The following DCAF5 variants were observed in gnomAD, a reference collection of about 807,000 sequenced individuals.
DCAF5 encodes the protein DDB1 and CUL4 associated factor 5.
DCAF5 carries 9 observed loss-of-function variants against 80.7 expected under a neutral mutation model. The observed-to-expected ratio is 0.11, with a 90% CI of 0.07 to 0.19. The LOEUF is 0.19. DCAF5 is among the 10% of genes least tolerant of loss of function. DCAF5 has a pLI of 1.00. For synonymous variants in DCAF5, 433 were observed against 461.9 expected (o/e 0.94, Z 0.80); for missense variants, 842 against 1,205.7 (o/e 0.70, Z 4.47).
At chr14:69,062,266 G>T in intron 8 of DCAF5, 118 bp downstream of exon 8, 1 of 1,109,608 alleles carries the variant, frequency 9.0e-7, no homozygotes, top group Non-Finnish European at 1.3e-6. Context: ...TAAAATCTGA[G>T]AATTCTGATA....
At chr14:69,075,503 A>C (rs1188513862) in intron 6 of DCAF5, 92 bp from the exon 7 acceptor site, 1 of 775,516 alleles carries the variant, frequency 1.3e-6, no homozygotes, top group African/African-American at 1.8e-5. Context: ...TTTTTTTGAG[A>C]TGGAGTCTTG....
intron 5 of DCAF5, among the ~76,000 whole-genome samples, chr14:69,113,881 C>T (rs1398882902): frequency 1.3e-5 from 2 of 152,192 alleles, no homozygotes; most frequent in Non-Finnish European, 2.9e-5. Context: ...CAAAAACATC[C>T]TAGTCCCCAT....
At chr14:69,090,323 T>G in intron 6 of DCAF5, 1 of 160,216 alleles carries the variant, frequency 6.2e-6, no homozygotes, top group Non-Finnish European at 1.3e-5. Flanking sequence ...TTCCCTGCAG[T>G]GCCATACAGG....
Position 69,054,222 on chromosome 14 carries a change from C to A in DCAF5, c.2464G>T (p.Glu822Ter), listed in dbSNP as rs1344261078. The change falls in exon 9 of 9, where the codon GAG becomes TAG. Residue 822 changes from glutamate to a stop codon, truncating the protein, a stop_gained. Transcript: ENST00000341516. LOFTEE classifies it high-confidence loss of function. ...GCACAGATGGTTTCGAGGCTCCTCT[C>A]CTCACTGTCATCAGACTGGGTCCTG... ...CPRTQSDDSE[E>*]RSLETICANH... is the part of the protein sequence containing the mutation. 6.2e-7 allele frequency: 1 copy of A among 1,614,118 alleles called. No homozygotes were observed. Among genetic ancestry groups the A allele is most frequent in the Non-Finnish European group, 8.5e-7 (1 of 1,180,052 alleles).
intron 6 of DCAF5, among the ~76,000 whole-genome samples, chr14:69,085,939 A>G (rs2039301147): frequency 6.6e-6 from 1 of 152,244 alleles, no homozygotes; most frequent in African/African-American, 2.4e-5. Context: ...GTCATAAACA[A>G]GAAACTGAGT....
intron 1 of DCAF5, among the ~76,000 whole-genome samples, chr14:69,148,705 CA>C (rs962248001): frequency 3.3e-5 from 5 of 150,582 alleles, no homozygotes; most frequent in Non-Finnish European, 5.9e-5. Flanking sequence ...CCCCACCGCC[CA>C]AAAAAAAAGT....
intron 8 of DCAF5, among the ~76,000 whole-genome samples, chr14:69,059,401 T>A (rs910380907): frequency 2.6e-5 from 4 of 152,126 alleles, no homozygotes; most frequent in Non-Finnish European, 4.4e-5. Context: ...GACCAGAATG[T>A]GGTGGCTAAC....
At chr14:69,066,007 TA>T (rs1202653163) in intron 7 of DCAF5, among the ~76,000 whole-genome samples, 1 of 152,152 alleles carries the variant, frequency 6.6e-6, no homozygotes, top group East Asian at 1.9e-4. Context: ...TACCCATAAA[TA>T]AAATACCACA....
At chr14:69,088,197 G>C (rs528425436) in intron 6 of DCAF5, among the ~76,000 whole-genome samples, 1 of 152,064 alleles carries the variant, frequency 6.6e-6, no homozygotes, top group African/African-American at 2.4e-5. Flanking sequence ...GCTCCTGTCC[G>C]CAACAAGTTG....
chr14:69,101,638 T>G (rs1219586152), intron 5 of DCAF5, among the ~76,000 whole-genome samples: 1 of 152,248 alleles, frequency 6.6e-6, no homozygotes, highest in African/African-American at 2.4e-5. Context: ...CAGGAATATG[T>G]TCTACGAAAT....
At chr14:69,084,347 T>A in intron 6 of DCAF5, 2 of 944,410 alleles carry the variant, frequency 2.1e-6, no homozygotes, top group South Asian at 1.3e-5. Context: ...AGGGTTTATG[T>A]ATAAAAATCT....
chr14:69,105,929 A>ATATATATATATATCTATATATC (rs1555374862), intron 5 of DCAF5, among the ~76,000 whole-genome samples: 8 of 83,016 alleles, frequency 9.6e-5, no homozygotes, highest in Admixed American at 3.5e-4. Context: ...ATATATATAT[A>ATATATATATATATCTATATATC]TATATATATA....
intron 1 of DCAF5, among the ~76,000 whole-genome samples, chr14:69,133,301 G>A (rs137995474): frequency 3.9e-5 from 6 of 152,286 alleles, no homozygotes; most frequent in African/African-American, 1.4e-4. Context: ...GCAAATATAA[G>A]AGGCCAGGCA....
chr14:69,088,605 G>T (rs1047499908), intron 6 of DCAF5, among the ~76,000 whole-genome samples: 10 of 152,192 alleles, frequency 6.6e-5, no homozygotes, highest in Non-Finnish European at 5.9e-5. Flanking sequence ...AAAGCCAGAT[G>T]ACTGTCTCAG....
At chr14:69,095,945 T>C (rs2039695313) in intron 5 of DCAF5, among the ~76,000 whole-genome samples, 1 of 152,108 alleles carries the variant, frequency 6.6e-6, no homozygotes, top group Non-Finnish European at 1.5e-5. Context: ...TGGTGTCGTA[T>C]CCCAAGTAGA....
In DCAF5 at chr14:69,052,292, G is replaced by A. The variant is rs2037787452; in HGVS notation, c.*1565C>T. On this transcript the variant is annotated 3_prime_UTR_variant, in exon 9 of 9. Transcript: ENST00000341516. ...CTGCCTTCATAGGCAGCCTCCCCTT[G>A]GCTCCAGTTCCAGCAGGACAGGCCT... 6.6e-6 allele frequency: 1 copy of A among 152,454 alleles called. No individual in the cohort carries two copies. The highest frequency in any genetic ancestry group is 1.5e-5 in the Non-Finnish European group (1 of 68,034). 9.4% of individuals were successfully genotyped at this position (152,454 alleles called of 1,614,324 possible). A position where few individuals can be genotyped will look rare whatever the true frequency, so the allele number is the denominator to read the frequency against.
rs1347416308 is a variant in DCAF5 at position 69,055,073 on chromosome 14, C to A, written c.1613G>T (p.Cys538Phe). 10 of 1,614,106 alleles carry A rather than the reference C, an allele frequency of 6.2e-6. No homozygotes were observed. The highest frequency in any genetic ancestry group is 8.5e-6 in the Non-Finnish European group (10 of 1,180,050). ...SNESDSEENV[C>F]EVELDTDLFP... ...GAGATCTGTGTCTAGTTCCACCTCA[C>A]AGACATTCTCCTCAGAATCGGACTC... The change falls in exon 9 of 9, where the codon TGT becomes TTT. Residue 538 changes from cysteine to phenylalanine, a missense_variant. Cys to Phe is a radical substitution (Grantham distance 205, BLOSUM62 -2). Around this residue, in one of 5 missense-constraint regions of DCAF5, gnomAD observed 607 missense variants for 656.6 expected, o/e 0.92. Transcript: ENST00000341516. This position sits in a 1 kb window ranked among gnomAD's most constrained non-coding sequence, Gnocchi z 5.6.
intron 6 of DCAF5, among the ~76,000 whole-genome samples, chr14:69,076,804 T>TA (rs911592935): frequency 1.5e-4 from 23 of 151,896 alleles, no homozygotes; most frequent in African/African-American, 4.4e-4. Context: ...TTACCACAAT[T>TA]AAAAAAAAAT....
In DCAF5 at chr14:69,053,255, A is replaced by T. The variant is rs1594915475; in HGVS notation, c.*602T>A. 1 of 152,328 alleles carries T rather than the reference A, an allele frequency of 6.6e-6. No homozygotes were observed. The highest frequency in any genetic ancestry group is 2.4e-5 in the African/African-American group (1 of 41,480). 9.4% of individuals were successfully genotyped at this position (152,328 alleles called of 1,614,324 possible). A position where few individuals can be genotyped will look rare whatever the true frequency, so the allele number is the denominator to read the frequency against. On this transcript the variant is annotated 3_prime_UTR_variant, in exon 9 of 9. Transcript: ENST00000341516. The stretch of plus-strand genomic sequence containing the variant: ...AATGCTCAATAAAGAAGTGTTACTT[A>T]GAGAAAACATGGAAGATTTCTTTAA...
Sources: gnomAD v4.1 joint callset for allele counts (sites outside exome capture counted in the v4.1 genomes callset) on GRCh38, gnomAD v4.1.1 for gene constraint, gnomAD v4.1.1 regional missense constraint, Gnocchi (gnomAD v3.1) non-coding constraint, MANE v1.5 for transcripts, NCBI Gene and HGNC (gene_info 2026-07-23, HGNC 2026-07-21) for gene names.